THAP12: variants seen among roughly 807,000 people sequenced by gnomAD.
THAP12 encodes the protein THAP domain containing 12.
In THAP12, 20 loss-of-function variants were observed where a neutral mutation model predicts 63.0. That is an observed-to-expected ratio of 0.32 (90% CI 0.22 to 0.46). The LOEUF is 0.46. Ranked by LOEUF, THAP12 falls within the 20% of genes least tolerant of loss-of-function variation. The pLI, the probability that THAP12 is intolerant of heterozygous loss-of-function variation, is 1.00. For synonymous variants in THAP12, 264 were observed against 328.4 expected, an observed-to-expected ratio of 0.80 and a Z score of 2.12; for missense variants, 568 against 908.2, an observed-to-expected ratio of 0.63 and a Z score of 4.81.
chr11:76,352,792 C>T lies in THAP12; in HGVS notation c.358G>A (p.Asp120Asn), dbSNP rs775083127. 2 of 1,508,002 alleles carry T rather than the reference C, an allele frequency of 1.3e-6. No individual in the cohort carries two copies. The highest frequency in any genetic ancestry group is 2.3e-5 in the East Asian group (1 of 43,156). 93.4% of individuals were successfully genotyped at this position (1,508,002 alleles called of 1,614,324 possible). A position where few individuals can be genotyped will look rare whatever the true frequency, so the allele number is the denominator to read the frequency against. Reference sequence around the variant, plus strand: ...TTTTGTTCCTGCTCAGAAGTTTCATCAACTGGAAAACAAAGAATTAATTTT... The same window carrying T: ...TTTTGTTCCTGCTCAGAAGTTTCATTAACTGGAAAACAAAGAATTAATTTT... Reference protein sequence around the residue: ...EIRTLKQKKIDETSEQEQKHK... With the variant: ...EIRTLKQKKINETSEQEQKHK... The change falls in exon 5 of 5, where the codon GAT becomes AAT. Residue 120 changes from aspartate to asparagine, a missense_variant and splice_region_variant. Physicochemically the swap from Asp to Asn is conservative, Grantham distance 23 (BLOSUM62 1). Transcript: ENST00000260045.
At position 76,353,311 on chromosome 11, in the gene THAP12, C is replaced by G. The variant is rs1002441052; in HGVS notation, c.356-517G>C. Among the ~76,000 whole-genome samples, 5 of 152,248 alleles carry G rather than the reference C, an allele frequency of 3.3e-5. 1 individual carries two copies. Among genetic ancestry groups the G allele is most frequent in the Non-Finnish European group, 7.3e-5 (5 of 68,038 alleles). On this transcript the variant is annotated intron_variant, in intron 4 of 4. Coordinates refer to ENST00000260045, the MANE Select transcript of THAP12 (RefSeq NM_004705.4). ...TGTGCTTAGTATTTTATATGCATCA[C>G]ATTACTCTCTGTTCAGGCAGGTGGT...
chr11:76,359,834 A>G (rs573214929), intron 3 of THAP12, among the ~76,000 whole-genome samples: 2 of 152,018 alleles, frequency 1.3e-5, no homozygotes, highest in Admixed American at 1.3e-4. Context: ...CGGGGGGGAA[A>G]AAAAAAATCC....
rs147807860 is a variant in THAP12, at chr11:76,355,666, G to GAA, written c.319-14_319-13dup. On this transcript the variant is annotated splice_polypyrimidine_tract_variant and intron_variant, in intron 3 of 4. Coordinates refer to ENST00000260045, the MANE Select transcript of THAP12 (RefSeq NM_004705.4). ...ATTTCATCTTCACTCTAAATGTCAA[G>GAA]AAAAAAAAAGAAAAAAACAAATCAT... is the stretch of plus-strand genomic sequence containing the variant. 10 of 1,517,054 alleles carry GAA rather than the reference G, an allele frequency of 6.6e-6. No homozygotes were observed. The African/African-American group carries it at 9.9e-5, about 15-fold the overall frequency. The allele number at this position is 1,517,054 out of a possible 1,614,324, so 94.0% of individuals were successfully genotyped here. A position where few individuals can be genotyped will look rare whatever the true frequency, so the allele number is the denominator to read the frequency against.
intron 1 of THAP12, among the ~76,000 whole-genome samples, chr11:76,369,607 T>G (rs1385449788): frequency 6.6e-6 from 1 of 152,192 alleles, no homozygotes; most frequent in Non-Finnish European, 1.5e-5. Flanking sequence ...CAGCTCAATG[T>G]GCCTAGACTG....
At chr11:76,363,098 G>A (rs1390879338) in intron 2 of THAP12, among the ~76,000 whole-genome samples, 1 of 152,160 alleles carries the variant, frequency 6.6e-6, no homozygotes, top group Non-Finnish European at 1.5e-5. Flanking sequence ...AGCCATGGCT[G>A]CGCCACTGCA....
rs748617636 is a variant in THAP12, at chr11:76,380,886, G to A, written c.-50C>T. On this transcript the variant is annotated 5_prime_UTR_variant, in exon 1 of 5. Coordinates refer to ENST00000260045, the MANE Select transcript of THAP12 (RefSeq NM_004705.4). ...AGCCCTCCCCTCCCCGCCTCCTCAGGGCAGTCCGCCCGCCCGTCGGGGCCG... is the reference window on the plus strand; with the variant it reads ...AGCCCTCCCCTCCCCGCCTCCTCAGAGCAGTCCGCCCGCCCGTCGGGGCCG... 74 of 1,244,734 alleles carry A rather than the reference G, an allele frequency of 5.9e-5. No homozygotes were observed. In the African/African-American group the frequency reaches 1.1e-3, roughly 18 times the overall value. 77.1% of individuals were successfully genotyped at this position (1,244,734 alleles called of 1,614,324 possible).
chr11:76,378,237 G>A (rs1946724715), intron 1 of THAP12, among the ~76,000 whole-genome samples: 2 of 152,070 alleles, frequency 1.3e-5, no homozygotes, highest in South Asian at 4.1e-4. Context: ...TGGCCAACAT[G>A]GCGAAACCCC....
At position 76,361,021 on chromosome 11, in the gene THAP12, T is replaced by C. The variant is rs1450885177; in HGVS notation, c.253A>G (p.Ile85Val). Residue 85 changes from isoleucine to valine, a missense_variant, in exon 3 of 5, where the codon ATA becomes GTA. Ile to Val is a conservative substitution (Grantham distance 29, BLOSUM62 3). Coordinates refer to ENST00000260045, the MANE Select transcript of THAP12 (RefSeq NM_004705.4). The part of the protein sequence containing the change: ...TVLRDNAIPT[I>V]FDLTSHLNNP... ...TTCAAATGACTGGTAAGATCAAATATTGTTGGTATTGCATTATCTCGAAGA... is the reference window on the plus strand; with the variant it reads ...TTCAAATGACTGGTAAGATCAAATACTGTTGGTATTGCATTATCTCGAAGA... 3.1e-6 allele frequency: 5 copies of C among 1,611,070 alleles called. No homozygotes were observed. Among genetic ancestry groups the C allele is most frequent in the East Asian group, 4.5e-5 (2 of 44,844 alleles).
At chr11:76,359,928 T>C (rs1946587404) in intron 3 of THAP12, among the ~76,000 whole-genome samples, 1 of 152,034 alleles carries the variant, frequency 6.6e-6, no homozygotes, top group South Asian at 2.1e-4. Context: ...TATATTACAA[T>C]GCCATGGTAA....
intron 1 of THAP12, among the ~76,000 whole-genome samples, chr11:76,369,364 G>A (rs925983664): frequency 1.3e-5 from 2 of 152,174 alleles, no homozygotes; most frequent in Admixed American, 6.5e-5. Context: ...TCTCACAAAC[G>A]TAATGTTAAG....
In THAP12 at chr11:76,352,353, T is replaced by C. The variant is rs1462487472; in HGVS notation, c.797A>G (p.Asp266Gly). The C allele has an allele frequency of 1.2e-6, 2 of 1,611,874 alleles. No homozygotes were observed. The change falls in exon 5 of 5, where the codon GAT becomes GGT. Residue 266 changes from aspartate (D) to glycine (G), a missense_variant. Transcript: ENST00000260045. ...CTCTTCCCCTGCTATGTCCACTACA[T>C]CGTCAGTGATAATGGAAAAGAAGTG... ...DSHFFSIITD[D>G]VVDIAGEEHL...
At chr11:76,379,634 T>C (rs1946736321) in intron 1 of THAP12, among the ~76,000 whole-genome samples, 2 of 152,208 alleles carry the variant, frequency 1.3e-5, no homozygotes, top group Admixed American at 6.5e-5. Flanking sequence ...CTCTAATCAC[T>C]GTATTTAAAA....
chr11:76,355,771 A>G, intron 3 of THAP12, 117 bp from the exon 4 acceptor site: 1 of 829,272 alleles, frequency 1.2e-6, no homozygotes, highest in East Asian at 2.7e-5. Flanking sequence ...AATTCTTTCA[A>G]GAGCATAAAT....
At chr11:76,365,766 T>C in intron 2 of THAP12, 86 bp downstream of exon 2, 1 of 1,454,572 alleles carries the variant, frequency 6.9e-7, no homozygotes, top group Non-Finnish European at 9.3e-7. Flanking sequence ...CTTCCAACAT[T>C]GGTAAATACT....
Position 76,351,119 on chromosome 11 carries a change from C to G in THAP12, c.2031G>C (p.Val677=). Residue 677 remains valine (V), a synonymous_variant, in exon 5 of 5, where the codon GTG becomes GTC. Coordinates refer to ENST00000260045, the MANE Select transcript of THAP12 (RefSeq NM_004705.4). ...HLPDIKFFPN[V]YALLKVLCIL... Reference sequence around the variant, plus strand: ...TACACAGGACCTTCAGCAATGCATACACATTAGGAAAAAACTTGATGTCAG... The same window carrying G: ...TACACAGGACCTTCAGCAATGCATAGACATTAGGAAAAAACTTGATGTCAG... 1 of 1,610,512 alleles carries G rather than the reference C, an allele frequency of 6.2e-7. No homozygotes were observed. The highest frequency in any genetic ancestry group is 8.5e-7 in the Non-Finnish European group (1 of 1,179,380).
intron 1 of THAP12, among the ~76,000 whole-genome samples, chr11:76,378,031 T>A (rs1946723618): frequency 6.6e-6 from 1 of 152,260 alleles, no homozygotes; most frequent in African/African-American, 2.4e-5. Context: ...TTCACTTTCT[T>A]GGTAATGTTC....
At chr11:76,378,857 C>T (rs1024299064) in intron 1 of THAP12, among the ~76,000 whole-genome samples, 13 of 152,140 alleles carry the variant, frequency 8.5e-5, no homozygotes, top group Non-Finnish European at 1.3e-4. Flanking sequence ...GATCCGCCTG[C>T]TTAGGCCTCC....
At chr11:76,374,024 A>G (rs2086949294) in intron 1 of THAP12, among the ~76,000 whole-genome samples, 1 of 152,240 alleles carries the variant, frequency 6.6e-6, no homozygotes, top group African/African-American at 2.4e-5. Flanking sequence ...GCTTAACAGA[A>G]GACAGCTAGA....
intron 1 of THAP12, among the ~76,000 whole-genome samples, chr11:76,367,095 A>G (rs1311823084): frequency 7.4e-6 from 1 of 135,278 alleles, no homozygotes; most frequent in Non-Finnish European, 1.7e-5. Flanking sequence ...TTTTTTTTTG[A>G]GACAGAGTTT....
Sources: gnomAD v4.1 joint callset for allele counts (sites outside exome capture counted in the v4.1 genomes callset) on GRCh38, gnomAD v4.1.1 for gene constraint, MANE v1.5 for transcripts, NCBI Gene and HGNC (gene_info 2026-07-23, HGNC 2026-07-21) for gene names.